The following ADGRV1 variants were observed in gnomAD, a reference collection of about 807,000 sequenced individuals.
ADGRV1 encodes adhesion G protein-coupled receptor V1.
Under a neutral mutation model 596.2 loss-of-function variants are expected in ADGRV1, and 359 were observed. The observed-to-expected ratio is 0.60, with a 90% CI of 0.55 to 0.66. ADGRV1 has a LOEUF of 0.66. Among genes scored for constraint, ADGRV1 ranks in the 30% least tolerant of loss-of-function variants. The probability of loss-of-function intolerance (pLI) is 0.00; values close to 1 mark genes in which losing one functional copy is unlikely to be tolerated. For missense variants in ADGRV1, 7,274 were observed against 7,575.6 expected, an observed-to-expected ratio of 0.96 and a Z score of 1.48; for synonymous variants, 2,681 against 2,679.2, an observed-to-expected ratio of 1.00 and a Z score of -0.02.
intron 84 of ADGRV1, among the ~76,000 whole-genome samples, chr5:90,978,212 G>A (rs1388146413): frequency 1.3e-5 from 2 of 151,854 alleles, no homozygotes; most frequent in South Asian, 2.1e-4. Flanking sequence ...GGAGAATGGC[G>A]TGAACCCGGG....
At chr5:90,965,935 A>G (rs1162458386) in intron 84 of ADGRV1, among the ~76,000 whole-genome samples, 1 of 152,262 alleles carries the variant, frequency 6.6e-6, no homozygotes, top group East Asian at 1.9e-4. Flanking sequence ...TGGATAGGCA[A>G]GCCAATTAAG....
intron 85 of ADGRV1, among the ~76,000 whole-genome samples, chr5:91,035,112 C>A (rs1021350408): frequency 6.6e-6 from 1 of 152,198 alleles, no homozygotes; most frequent in African/African-American, 2.4e-5. Flanking sequence ...GGGACTTTTG[C>A]AATGGCTCTG....
chr5:90,611,393 A>G (rs1289580557), intron 1 of ADGRV1, among the ~76,000 whole-genome samples: 2 of 151,978 alleles, frequency 1.3e-5, no homozygotes, highest in African/African-American at 4.8e-5. Flanking sequence ...TAAATTACAT[A>G]TCATCTTAGC....
rs1012638230 is a variant in ADGRV1 at position 90,781,571 on chromosome 5, C to T, written c.13224C>T (p.Ala4408=). 1.9e-6 allele frequency: 3 copies of T among 1,601,118 alleles called. No homozygotes were observed. The highest frequency in any genetic ancestry group is 4.5e-5 in the East Asian group (2 of 44,578). Residue 4408 remains alanine, a synonymous_variant, in exon 65 of 90, where the codon GCC becomes GCT. Transcript: ENST00000405460. ...TTGAATTTGACCCAAAGTATACTGC[C>T]TTCGAAGGTAGGTTCAGTCAGCTAG... ...GIIEFDPKYT[A]FEVEEDVGLI...
Position 90,950,484 on chromosome 5 carries a change from G to A in ADGRV1, c.17857-14931G>A, listed in dbSNP as rs529184835. Among the ~76,000 whole-genome samples, 928 of 152,120 alleles carry A rather than the reference G, an allele frequency of 6.1e-3. 4 individuals carry two copies. Among genetic ancestry groups the A allele is most frequent in the Non-Finnish European group, 1.0e-2 (679 of 67,990 alleles). ...TTACAGGTGCCCGTCACCATGCCCA[G>A]CTAATTTTTGTATTTTGAGTAGAGA... On this transcript the variant is annotated intron_variant, in intron 83 of 89. Coordinates refer to ENST00000405460, the MANE Select transcript of ADGRV1 (RefSeq NM_032119.4).
chr5:90,885,721 G>A (rs142455225), intron 83 of ADGRV1, among the ~76,000 whole-genome samples: 4 of 152,180 alleles, frequency 2.6e-5, no homozygotes, highest in African/African-American at 9.6e-5. Context: ...GCCAGGAGAG[G>A]GGTTGGAAAC....
At chr5:90,935,452 G>A (rs1775598111) in intron 83 of ADGRV1, among the ~76,000 whole-genome samples, 1 of 152,132 alleles carries the variant, frequency 6.6e-6, no homozygotes, top group Non-Finnish European at 1.5e-5. Context: ...ACCCTGACTG[G>A]TATCAGCTGG....
intron 2 of ADGRV1, among the ~76,000 whole-genome samples, chr5:90,615,816 A>G (rs1478525685): frequency 1.3e-5 from 2 of 151,922 alleles, no homozygotes; most frequent in Non-Finnish European, 1.5e-5. Flanking sequence ...TTTTCATAAA[A>G]TTTTGATTGA....
At chr5:91,107,163 G>C (rs1273405818) in intron 87 of ADGRV1, among the ~76,000 whole-genome samples, 1 of 151,934 alleles carries the variant, frequency 6.6e-6, no homozygotes, top group Non-Finnish European at 1.5e-5. Context: ...AGGTGGTACT[G>C]ATTCGGCTGG....
chr5:91,145,692 T>C (rs1305510983), intron 87 of ADGRV1, among the ~76,000 whole-genome samples: 1 of 152,242 alleles, frequency 6.6e-6, no homozygotes, highest in Admixed American at 6.5e-5. Context: ...CATGTTTGTT[T>C]ACTTTTAGAT....
intron 83 of ADGRV1, among the ~76,000 whole-genome samples, chr5:90,870,680 A>T (rs1768583951): frequency 6.6e-6 from 1 of 152,206 alleles, no homozygotes; most frequent in African/African-American, 2.4e-5. Flanking sequence ...TTTGTCAATG[A>T]AAGAAGAAGG....
At chr5:90,695,800 C>T (rs73772467) in intron 33 of ADGRV1, among the ~76,000 whole-genome samples, 2,019 of 151,790 alleles carry the variant, frequency 0.013, 36 homozygotes, top group African/African-American at 0.039. Flanking sequence ...ATATGCTTGA[C>T]GGAAGATGGG....
rs764795714 is a variant in ADGRV1 at position 90,840,596 on chromosome 5, A to G, written c.16630A>G (p.Thr5544Ala). 2.5e-6 allele frequency: 4 copies of G among 1,605,040 alleles called. No individual in the cohort carries two copies. The highest frequency in any genetic ancestry group is 1.7e-5 in the Admixed American group (1 of 59,416). The change falls in exon 78 of 90, where the codon ACA (threonine) becomes GCA (alanine). Residue 5544 changes from threonine (T) to alanine (A), a missense_variant. Thr to Ala is a moderately conservative substitution (Grantham distance 58). Coordinates refer to ENST00000405460, the MANE Select transcript of ADGRV1 (RefSeq NM_032119.4). ...TTTCTAGGAGTTGAGGAGTGCTGAA[A>G]CAATTGGTCGTACCATCATATCTCC... is the stretch of plus-strand genomic sequence containing the variant. Reference protein sequence around the residue: ...FSTQELRSAETIGRTIISPAI... With the variant: ...FSTQELRSAEAIGRTIISPAI...
intron 69 of ADGRV1, 127 bp from the exon 70 acceptor site, chr5:90,790,746 G>A: frequency 1.6e-6 from 1 of 628,204 alleles, no homozygotes; most frequent in East Asian, 2.8e-5. Flanking sequence ...AGAGAGTTTG[G>A]CTTTGAATAT....
intron 69 of ADGRV1, 118 bp from the exon 70 acceptor site, chr5:90,790,755 A>G: frequency 1.5e-6 from 1 of 666,380 alleles, no homozygotes; most frequent in South Asian, 2.2e-5. Context: ...GGCTTTGAAT[A>G]TAGTGATGCA....
intron 21 of ADGRV1, among the ~76,000 whole-genome samples, chr5:90,662,150 T>C (rs1334214098): frequency 6.6e-6 from 1 of 151,992 alleles, no homozygotes; most frequent in East Asian, 1.9e-4. Context: ...ATTATCAGCC[T>C]TTTGGCAATA....
chr5:90,937,454 A>ATT (rs60263347), intron 83 of ADGRV1, among the ~76,000 whole-genome samples: 11 of 105,030 alleles, frequency 1.0e-4, no homozygotes, highest in Admixed American at 2.0e-4. Flanking sequence ...CAGTAACTGT[A>ATT]TTTTTTTTTT....
In ADGRV1 at chr5:91,160,832, T is replaced by C. The variant is rs549579870; in HGVS notation, c.18803-2950T>C. On this transcript the variant is annotated intron_variant, in intron 89 of 89. Transcript: ENST00000405460. ...TCAGTGAGGGATGAGTATCTGGATA[T>C]TTGTGCATTTCTTTGAACTTGGAAG... 2.0e-5 allele frequency among the ~76,000 whole-genome samples: 3 copies of C among 152,312 alleles called. No homozygotes were observed. In the East Asian group the frequency reaches 5.8e-4, roughly 29 times the overall value.
intron 1 of ADGRV1, among the ~76,000 whole-genome samples, chr5:90,562,064 A>G (rs1754904156): frequency 6.6e-6 from 1 of 152,218 alleles, no homozygotes; most frequent in South Asian, 2.1e-4. Flanking sequence ...ACAGCCAGCC[A>G]GAGAGGTCTT....
Sources: allele counts gnomAD v4.1 joint callset (sites outside exome capture counted in the v4.1 genomes callset), GRCh38; gene constraint gnomAD v4.1.1; transcripts MANE v1.5; gene names NCBI Gene and HGNC (gene_info 2026-07-23, HGNC 2026-07-21).